The following USP34 variants were observed in gnomAD, a reference collection of about 807,000 sequenced individuals.
The protein encoded by USP34 is ubiquitin specific peptidase 34.
USP34 carries 70 observed loss-of-function variants against 460.3 expected under a neutral mutation model. That is an observed-to-expected ratio of 0.15 (90% confidence interval 0.13 to 0.19). The LOEUF (loss-of-function observed/expected upper bound fraction) is 0.19. Ranked by LOEUF, USP34 falls within the 10% of genes least tolerant of loss-of-function variation. The probability of loss-of-function intolerance (pLI) is 1.00; values close to 1 mark genes in which losing one functional copy is unlikely to be tolerated. For missense variants in USP34, 3,985 were observed against 4,236.2 expected, an observed-to-expected ratio of 0.94 and a Z score of 1.65; for synonymous variants, 1,647 against 1,405.3, an observed-to-expected ratio of 1.17 and a Z score of -3.85.
intron 1 of USP34, among the ~76,000 whole-genome samples, chr2:61,436,462 A>C (rs1291566999): frequency 6.6e-6 from 1 of 152,238 alleles, no homozygotes; most frequent in African/African-American, 2.4e-5. Flanking sequence ...AAGGAGACAA[A>C]GAAGGACACT....
At chr2:61,273,493 C>T (rs1352675509) in intron 41 of USP34, among the ~76,000 whole-genome samples, 1 of 152,158 alleles carries the variant, frequency 6.6e-6, no homozygotes, top group East Asian at 1.9e-4. Flanking sequence ...CCGAGGCAGG[C>T]GAATCACCTG....
At chr2:61,309,193 C>G (rs138111132) in intron 27 of USP34, among the ~76,000 whole-genome samples, 182 of 152,264 alleles carry the variant, frequency 1.2e-3, no homozygotes, top group Non-Finnish European at 1.9e-3. Context: ...CTTTACCCAG[C>G]TAATTTATCA....
chr2:61,261,984 G>A (rs945143281), intron 43 of USP34, among the ~76,000 whole-genome samples: 4 of 150,266 alleles, frequency 2.7e-5, no homozygotes, highest in South Asian at 4.2e-4. Flanking sequence ...CCAGCTATTC[G>A]GGAGGCTGAG....
At chr2:61,392,613 G>C (rs1693384323) in intron 5 of USP34, among the ~76,000 whole-genome samples, 1 of 152,058 alleles carries the variant, frequency 6.6e-6, no homozygotes, top group Non-Finnish European at 1.5e-5. Flanking sequence ...GACGGAGTGA[G>C]ACTCTGTCTC....
At position 61,236,448 on chromosome 2, in the gene USP34, A is replaced by G. The variant is rs924271697; in HGVS notation, c.6778-59T>C. ...CAGTTTACTTCATTACATTTTACCAATATTTTTATTAGACAAAAAGTCTCT... is the reference window on the plus strand; with the variant it reads ...CAGTTTACTTCATTACATTTTACCAGTATTTTTATTAGACAAAAAGTCTCT... On this transcript the variant is annotated intron_variant, in intron 53 of 79. Coordinates refer to ENST00000398571, the MANE Select transcript of USP34 (RefSeq NM_014709.4). 1.6e-5 allele frequency: 20 copies of G among 1,268,560 alleles called. No individual in the cohort carries two copies. The African/African-American group carries it at 1.7e-4, about 11-fold the overall frequency. 78.6% of individuals were successfully genotyped at this position (1,268,560 alleles called of 1,614,324 possible).
At chr2:61,286,047 G>C (rs937135542) in intron 34 of USP34, among the ~76,000 whole-genome samples, 9 of 152,152 alleles carry the variant, frequency 5.9e-5, no homozygotes, top group Admixed American at 1.3e-4. Flanking sequence ...CAAAAGAAGG[G>C]AGCAGGAACT....
At chr2:61,344,626 T>C (rs1439808972) in intron 15 of USP34, among the ~76,000 whole-genome samples, 1 of 152,162 alleles carries the variant, frequency 6.6e-6, no homozygotes, top group Admixed American at 6.5e-5. Context: ...AAAAATTAAA[T>C]CATTAGGTCT....
chr2:61,264,802 T>C (rs907525535), intron 43 of USP34, among the ~76,000 whole-genome samples: 16 of 150,716 alleles, frequency 1.1e-4, no homozygotes, highest in African/African-American at 4.9e-5. Context: ...AATGGGAGGA[T>C]TGCTTGAGGC....
chr2:61,263,565 TCCG>T (rs1366917185), intron 43 of USP34, among the ~76,000 whole-genome samples: 3 of 151,598 alleles, frequency 2.0e-5, no homozygotes, highest in African/African-American at 7.3e-5. Flanking sequence ...CACTGCAACC[TCCG>T]CCTCCTGGGT....
At chr2:61,419,565 T>G (rs1406407120) in intron 2 of USP34, among the ~76,000 whole-genome samples, 1 of 152,104 alleles carries the variant, frequency 6.6e-6, no homozygotes, top group Non-Finnish European at 1.5e-5. Context: ...TCCCACCCCA[T>G]CTCTACCAAT....
intron 18 of USP34, among the ~76,000 whole-genome samples, chr2:61,335,582 A>G (rs1474969896): frequency 6.6e-6 from 1 of 152,114 alleles, no homozygotes; most frequent in Non-Finnish European, 1.5e-5. Flanking sequence ...CCCGGTCTCC[A>G]CAAAAAAATA....
chr2:61,249,937 C>CT (rs1221468527), intron 48 of USP34: 1 of 167,432 alleles, frequency 6.0e-6, no homozygotes, highest in Non-Finnish European at 1.3e-5. Context: ...AACAGCCAGC[C>CT]ATAGCATTGG....
At chr2:61,446,016 G>C (rs1695104760) in intron 1 of USP34, among the ~76,000 whole-genome samples, 1 of 151,008 alleles carries the variant, frequency 6.6e-6, no homozygotes, top group Non-Finnish European at 1.5e-5. Context: ...AGGAGGCTGA[G>C]GCAGGAGAAT....
At position 61,228,056 on chromosome 2, in the gene USP34, A is replaced by G. The variant is rs146673443; in HGVS notation, c.7443+589T>C. Among the ~76,000 whole-genome samples the G allele has an allele frequency of 3.2e-3, 483 of 152,348 alleles. 1 individual carries two copies. Among genetic ancestry groups the G allele is most frequent in the Admixed American group, 6.0e-3 (92 of 15,302 alleles). ...AAACAGTGTTTAAGAGTTTTAGCTC[A>G]GTAGTCTGACCGAGGATCAAAGCAC... On this transcript the variant is annotated intron_variant, in intron 61 of 79. Coordinates refer to ENST00000398571, the MANE Select transcript of USP34 (RefSeq NM_014709.4).
At chr2:61,304,911 T>C (rs1389534627) in intron 27 of USP34, among the ~76,000 whole-genome samples, 1 of 152,110 alleles carries the variant, frequency 6.6e-6, no homozygotes, top group Non-Finnish European at 1.5e-5. Flanking sequence ...TTTCTACCTT[T>C]TAAAAAAAAT....
chr2:61,276,831 A>C (rs1383165541), intron 41 of USP34, among the ~76,000 whole-genome samples: 2 of 152,198 alleles, frequency 1.3e-5, no homozygotes, highest in Admixed American at 6.5e-5. Context: ...CAAACAGATA[A>C]GACTGTAATC....
intron 21 of USP34, among the ~76,000 whole-genome samples, chr2:61,324,320 G>A (rs1367826148): frequency 3.3e-5 from 5 of 152,148 alleles, no homozygotes; most frequent in Admixed American, 6.5e-5. Context: ...AACTGTTAAC[G>A]AAACTGAGTT....
intron 10 of USP34, among the ~76,000 whole-genome samples, chr2:61,363,895 CAT>C (rs1177102035): frequency 6.6e-6 from 1 of 152,178 alleles, no homozygotes; most frequent in Admixed American, 6.5e-5. Context: ...TTTGCTATGA[CAT>C]AGATTATCAC....
Position 61,350,306 on chromosome 2 carries a change from A to T in USP34, c.1461T>A (p.Ser487=). ...TATTAGTATTTAATAAAGATGCAAA[A>T]GAACTCTGTTTAGATAACTGAGCCT... The part of the protein sequence containing the change: ...AAKAQLSKQS[S]FASLLNTNIP... The change falls in exon 12 of 80, where the codon TCT becomes TCA. Residue 487 remains serine, a synonymous_variant. Coordinates refer to ENST00000398571, the MANE Select transcript of USP34 (RefSeq NM_014709.4). The T allele has an allele frequency of 6.2e-7, 1 of 1,612,748 alleles. No homozygotes were observed. Among genetic ancestry groups the T allele is most frequent in the Non-Finnish European group, 8.5e-7 (1 of 1,179,220 alleles).
Sources: allele counts gnomAD v4.1 joint callset (sites outside exome capture counted in the v4.1 genomes callset), GRCh38; gene constraint gnomAD v4.1.1; transcripts MANE v1.5; gene names NCBI Gene and HGNC (gene_info 2026-07-23, HGNC 2026-07-21).